TANC2: variants seen among roughly 807,000 people sequenced by gnomAD.
The protein encoded by TANC2 is tetratricopeptide repeat, ankyrin repeat and coiled-coil containing 2, also known as protein TANC2.
TANC2 carries 26 observed loss-of-function variants against 210.5 expected under a neutral mutation model. The ratio of observed to expected loss-of-function variants is 0.12; its 90% CI spans 0.09 to 0.17. The LOEUF (loss-of-function observed/expected upper bound fraction) is 0.17, where lower values mean the gene tolerates loss of function less well. TANC2 is among the 10% of genes least tolerant of loss of function. The pLI is 1.00. For synonymous variants in TANC2, 931 were observed against 967.1 expected, an observed-to-expected ratio of 0.96 and a Z score of 0.69; for missense variants, 2,129 against 2,608.9, an observed-to-expected ratio of 0.82 and a Z score of 4.01.
intron 2 of TANC2, among the ~76,000 whole-genome samples, chr17:63,023,731 A>G (rs753327935): frequency 2.6e-5 from 4 of 152,246 alleles, no homozygotes; most frequent in Non-Finnish European, 4.4e-5. Flanking sequence ...GAAATGAAAC[A>G]TCTTTCAAGG....
chr17:63,310,925 C>T (rs1386374670), intron 9 of TANC2, among the ~76,000 whole-genome samples: 1 of 152,070 alleles, frequency 6.6e-6, no homozygotes, highest in Non-Finnish European at 1.5e-5. Context: ...CATTTTGTTT[C>T]AAGAAAAATA....
intron 15 of TANC2, among the ~76,000 whole-genome samples, chr17:63,385,705 A>G (rs555759928): frequency 6.6e-6 from 1 of 152,194 alleles, no homozygotes; most frequent in Non-Finnish European, 1.5e-5. Context: ...GGGTGCCTAC[A>G]TGGGTACTAT....
intron 13 of TANC2, among the ~76,000 whole-genome samples, chr17:63,354,582 A>G (rs997825059): frequency 2.0e-5 from 3 of 152,204 alleles, no homozygotes; most frequent in Non-Finnish European, 4.4e-5. Context: ...TTAAAAATAT[A>G]TCTTAAGTCT....
intron 1 of TANC2, among the ~76,000 whole-genome samples, chr17:63,002,202 G>C (rs1365175644): frequency 6.6e-6 from 1 of 152,132 alleles, no homozygotes; most frequent in Non-Finnish European, 1.5e-5. Flanking sequence ...TTAATAATTA[G>C]TCATTGACTG....
intron 5 of TANC2, chr17:63,152,638 C>T (rs772405615): frequency 7.9e-5 from 12 of 152,252 alleles, no homozygotes; most frequent in South Asian, 6.2e-4. Context: ...GGTATTGTCA[C>T]GCTTCTTGGG....
At chr17:63,395,544 C>T (rs1365116963) in intron 17 of TANC2, among the ~76,000 whole-genome samples, 199 bp from the exon 18 acceptor site, 3 of 152,130 alleles carry the variant, frequency 2.0e-5, no homozygotes, top group Non-Finnish European at 2.9e-5. Flanking sequence ...AGAAGTTCTT[C>T]CCAGAGGGAC....
intron 1 of TANC2, among the ~76,000 whole-genome samples, chr17:62,991,639 C>CAAA (rs576514397): frequency 1.6e-5 from 1 of 62,622 alleles, no homozygotes; most frequent in African/African-American, 5.4e-5. Context: ...GACTCCGTCT[C>CAAA]AAAAAAAAAA....
chr17:63,052,284 T>G (rs936836627), intron 2 of TANC2, among the ~76,000 whole-genome samples: 1 of 152,174 alleles, frequency 6.6e-6, no homozygotes, highest in African/African-American at 2.4e-5. Context: ...GAAACTAAGA[T>G]ACAGATAATT....
intron 12 of TANC2, among the ~76,000 whole-genome samples, chr17:63,340,720 T>A (rs2046201603): frequency 6.6e-6 from 1 of 152,170 alleles, no homozygotes; most frequent in Non-Finnish European, 1.5e-5. Flanking sequence ...AAAACATATT[T>A]TATTACCCCA....
At chr17:63,355,907 A>G (rs1253985778) in intron 14 of TANC2, among the ~76,000 whole-genome samples, 2 of 152,208 alleles carry the variant, frequency 1.3e-5, no homozygotes, top group African/African-American at 4.8e-5. Flanking sequence ...AAAAGATTTG[A>G]AGAGATCAGC....
At chr17:63,002,088 GAAGAA>G (rs1399676483) in intron 1 of TANC2, among the ~76,000 whole-genome samples, 1 of 152,124 alleles carries the variant, frequency 6.6e-6, no homozygotes, top group Non-Finnish European at 1.5e-5. Context: ...AGTATTTGGG[GAAGAA>G]CACATAAGAA....
chr17:63,137,774 G>A (rs768654789), intron 4 of TANC2, among the ~76,000 whole-genome samples: 1 of 152,048 alleles, frequency 6.6e-6, no homozygotes, highest in Non-Finnish European at 1.5e-5. Flanking sequence ...TATATTTGAT[G>A]AAAAAAGTCT....
intron 3 of TANC2, chr17:63,088,878 G>A (rs896432669): frequency 6.6e-6 from 1 of 152,104 alleles, no homozygotes; most frequent in Non-Finnish European, 1.5e-5. Flanking sequence ...GGCTTTTGTA[G>A]AGTCTTTACA....
intron 2 of TANC2, among the ~76,000 whole-genome samples, chr17:63,018,803 A>G (rs967356721): frequency 2.6e-5 from 4 of 152,246 alleles, no homozygotes; most frequent in African/African-American, 9.6e-5. Context: ...AATGAGTTGT[A>G]CAGTATGTAA....
intron 4 of TANC2, among the ~76,000 whole-genome samples, chr17:63,138,594 A>G (rs1381779467): frequency 1.3e-5 from 2 of 152,068 alleles, no homozygotes; most frequent in Admixed American, 6.6e-5. Context: ...TTCTTCTTCT[A>G]TCCTCTGAAA....
intron 4 of TANC2, among the ~76,000 whole-genome samples, chr17:63,147,896 A>G (rs957202279): frequency 6.6e-6 from 1 of 152,218 alleles, no homozygotes; most frequent in Non-Finnish European, 1.5e-5. Context: ...ATGCCTCAAC[A>G]TATATGCACG....
chr17:63,105,031 A>G (rs1031940856), intron 4 of TANC2, among the ~76,000 whole-genome samples: 7 of 151,666 alleles, frequency 4.6e-5, no homozygotes, highest in African/African-American at 7.3e-5. Flanking sequence ...AATTATTATT[A>G]TAGTTTCTAA....
chr17:63,321,557 C>G (rs1254008889), intron 11 of TANC2, among the ~76,000 whole-genome samples: 1 of 152,080 alleles, frequency 6.6e-6, no homozygotes. Flanking sequence ...AGTCAGTATT[C>G]CTAAGTTTTT....
Position 63,420,295 on chromosome 17 carries a change from C to G in TANC2, c.4565C>G (p.Pro1522Arg), listed in dbSNP as rs534775694. ...GAGGCCCGGCCCAGCCAGGGGCTCCCGGTCATCCAGAGCCCACCCTCCTCT... is the reference window on the plus strand; with the variant it reads ...GAGGCCCGGCCCAGCCAGGGGCTCCGGGTCATCCAGAGCCCACCCTCCTCT... The change falls in exon 28 of 28, where the codon CCG becomes CGG. Residue 1522 changes from proline (P) to arginine (R), a missense_variant. Transcript: ENST00000689528. The surrounding 1 kb of genome is among the most constrained non-coding windows in gnomAD (Gnocchi z 4.2). 6.2e-7 allele frequency: 1 copy of G among 1,613,780 alleles called. No homozygotes were observed. Among genetic ancestry groups the G allele is most frequent in the South Asian group, 1.1e-5 (1 of 91,052 alleles).
Sources: allele counts gnomAD v4.1 joint callset (sites outside exome capture counted in the v4.1 genomes callset), GRCh38; gene constraint gnomAD v4.1.1; non-coding constraint Gnocchi (gnomAD v3.1); transcripts MANE v1.5; gene names NCBI Gene and HGNC (gene_info 2026-07-23, HGNC 2026-07-21).